Variants in SGK1 observed in about 807,000 individuals in gnomAD.
SGK1 encodes serine/threonine-protein kinase Sgk1.
In SGK1, 26 loss-of-function variants were observed where a neutral mutation model predicts 64.2. The ratio of observed to expected loss-of-function variants is 0.40; its 90% CI spans 0.30 to 0.56. The LOEUF (loss-of-function observed/expected upper bound fraction) is 0.56. Ranked by LOEUF, SGK1 falls within the 20% of genes least tolerant of loss-of-function variation. The pLI, the probability that SGK1 is intolerant of heterozygous loss-of-function variation, is 0.38. For missense variants in SGK1, 519 were observed against 645.6 expected (o/e 0.80, Z 2.12); for synonymous variants, 265 against 239.7 (o/e 1.11, Z -0.98).
At chr6:134,312,711 A>G (rs1777624493) in intron 1 of SGK1, among the ~76,000 whole-genome samples, 1 of 152,168 alleles carries the variant, frequency 6.6e-6, no homozygotes, top group Non-Finnish European at 1.5e-5. Context: ...TGTACACCTC[A>G]GTTTCTTCAT....
chr6:134,251,466 A>G (rs1326575173), intron 2 of SGK1, among the ~76,000 whole-genome samples: 2 of 152,218 alleles, frequency 1.3e-5, no homozygotes, highest in Non-Finnish European at 2.9e-5. Context: ...AACAAAAGCC[A>G]ACAAAATATG....
intron 1 of SGK1, among the ~76,000 whole-genome samples, chr6:134,281,050 G>A (rs1398686560): frequency 1.3e-5 from 2 of 152,034 alleles, no homozygotes; most frequent in African/African-American, 2.4e-5. Flanking sequence ...CCTGGGTGAC[G>A]AGCGAAACTC....
chr6:134,171,778 A>G (rs751671983), intron 10 of SGK1, 46 bp from the exon 11 acceptor site: 11 of 1,271,010 alleles, frequency 8.7e-6, no homozygotes, highest in South Asian at 7.3e-5. Context: ...TGCGAAAGCA[A>G]GCAATCCCAC....
Position 134,248,714 on chromosome 6 carries a change from T to A in SGK1, c.285+13219A>T, listed in dbSNP as rs1036070658. ...CTTATTTACAGGTTTTGTCTCCTCA[T>A]ATACAACCAATCTCAACATAGAGAA... On this transcript the variant is annotated intron_variant, in intron 2 of 13. Transcript: ENST00000367858. Among the ~76,000 whole-genome samples, 7 of 152,098 alleles carry A rather than the reference T, an allele frequency of 4.6e-5. 1 individual carries two copies. Among genetic ancestry groups the A allele is most frequent in the East Asian group, 3.9e-4 (2 of 5,192 alleles).
chr6:134,216,427 G>A (rs184258501), intron 2 of SGK1, among the ~76,000 whole-genome samples: 204 of 152,332 alleles, frequency 1.3e-3, no homozygotes, highest in Non-Finnish European at 2.5e-3. Context: ...TTTAGGAAAT[G>A]GCCCCTGGCT....
chr6:134,213,316 G>A (rs1170651840), intron 2 of SGK1, among the ~76,000 whole-genome samples: 1 of 152,058 alleles, frequency 6.6e-6, no homozygotes, highest in East Asian at 1.9e-4. Flanking sequence ...GAGGTCAGGA[G>A]TTTGAGACCA....
At chr6:134,277,045 A>G (rs891152018) in intron 1 of SGK1, among the ~76,000 whole-genome samples, 4 of 151,128 alleles carry the variant, frequency 2.6e-5, no homozygotes, top group African/African-American at 7.3e-5. Flanking sequence ...TCTTGTCTCA[A>G]AAAAAACCAC....
chr6:134,224,631 G>C (rs1776140411), intron 2 of SGK1, among the ~76,000 whole-genome samples: 1 of 151,988 alleles, frequency 6.6e-6, no homozygotes, highest in African/African-American at 2.4e-5. Context: ...ATTTTTACAG[G>C]GCAATGGGAA....
At chr6:134,198,069 G>A (rs1775624857) in intron 3 of SGK1, among the ~76,000 whole-genome samples, 1 of 152,058 alleles carries the variant, frequency 6.6e-6, no homozygotes, top group South Asian at 2.1e-4. Flanking sequence ...CAAGATATAG[G>A]CCAAAGGATA....
intron 3 of SGK1, among the ~76,000 whole-genome samples, chr6:134,206,308 T>C (rs1775767314): frequency 7.3e-6 from 1 of 137,700 alleles, no homozygotes; most frequent in South Asian, 2.5e-4. Flanking sequence ...CACTTAAATA[T>C]GCTTCACAAT....
intron 1 of SGK1, chr6:134,297,501 G>A (rs1303685324): frequency 1.7e-6 from 1 of 584,786 alleles, no homozygotes; most frequent in Non-Finnish European, 3.2e-6. Context: ...GTTCATCTTG[G>A]AGATCTCTGT....
chr6:134,171,268 A>G (rs1775014832), intron 11 of SGK1, 90 bp from the exon 12 acceptor site: 6 of 1,224,090 alleles, frequency 4.9e-6, no homozygotes, highest in Non-Finnish European at 7.1e-6. Context: ...ACGGCAATAA[A>G]TATTAGGCTC....
At chr6:134,299,834 G>C (rs1007074956) in intron 1 of SGK1, among the ~76,000 whole-genome samples, 1 of 149,298 alleles carries the variant, frequency 6.7e-6, no homozygotes, top group African/African-American at 2.5e-5. Flanking sequence ...GAGTTTGGAG[G>C]AGTCGGATAA....
At chr6:134,184,845 G>T (rs1258593503) in intron 3 of SGK1, among the ~76,000 whole-genome samples, 1 of 151,994 alleles carries the variant, frequency 6.6e-6, no homozygotes, top group Non-Finnish European at 1.5e-5. Context: ...CACCATGCCT[G>T]GCTTATATTT....
chr6:134,177,617 C>T (rs1300709724), intron 3 of SGK1: 8 of 1,533,048 alleles, frequency 5.2e-6, no homozygotes, highest in Non-Finnish European at 6.3e-6. Context: ...CAAGTAACCC[C>T]AAATCCTTTG....
chr6:134,235,950 T>C (rs1052641791), intron 2 of SGK1, among the ~76,000 whole-genome samples: 2 of 152,140 alleles, frequency 1.3e-5, no homozygotes, highest in Non-Finnish European at 2.9e-5. Context: ...AATTTTTTTT[T>C]TCAAACACAG....
chr6:134,222,794 A>G (rs545243794), intron 2 of SGK1, among the ~76,000 whole-genome samples: 57 of 152,310 alleles, frequency 3.7e-4, no homozygotes, highest in African/African-American at 1.3e-3. Context: ...AACTATGACC[A>G]GGTTTTCTTG....
intron 2 of SGK1, chr6:134,261,427 A>C: frequency 5.0e-6 from 1 of 200,684 alleles, no homozygotes. Context: ...GCTAGATGAC[A>C]TTCTGGAAAA....
intron 3 of SGK1, among the ~76,000 whole-genome samples, chr6:134,198,033 T>G (rs960745683): frequency 6.6e-6 from 1 of 152,130 alleles, no homozygotes; most frequent in East Asian, 1.9e-4. Context: ...TGCACAGAAT[T>G]TTTGTTTAAT....
Sources: gnomAD v4.1 joint callset for allele counts (sites outside exome capture counted in the v4.1 genomes callset) on GRCh38, gnomAD v4.1.1 for gene constraint, MANE v1.5 for transcripts, NCBI Gene and HGNC (gene_info 2026-07-23, HGNC 2026-07-21) for gene names.